TAFA5: variants seen among roughly 807,000 people sequenced by gnomAD.
TAFA5 encodes TAFA chemokine like family member 5.
Under a neutral mutation model 15.3 loss-of-function variants are expected in TAFA5, and 6 were observed. The observed-to-expected ratio is 0.39, with a 90% CI of 0.21 to 0.77. The LOEUF (loss-of-function observed/expected upper bound fraction) is 0.77. TAFA5 is among the 30% of genes least tolerant of loss of function. The pLI, the probability that TAFA5 is intolerant of heterozygous loss-of-function variation, is 0.41. For missense variants in TAFA5, 161 were observed against 193.1 expected (o/e 0.83, Z 0.98); for synonymous variants, 103 against 80.7 (o/e 1.28, Z -1.48).
intron 1 of TAFA5, among the ~76,000 whole-genome samples, chr22:48,582,114 G>T (rs1008038105): frequency 6.6e-6 from 1 of 151,978 alleles, no homozygotes; most frequent in Non-Finnish European, 1.5e-5. Flanking sequence ...CCCTTTCCTC[G>T]TTCTCCTTTT....
chr22:48,675,128 GAT>G (rs1277233884), intron 2 of TAFA5, among the ~76,000 whole-genome samples: 1 of 152,190 alleles, frequency 6.6e-6, no homozygotes, highest in African/African-American at 2.4e-5. Context: ...TTTTAGTAGA[GAT>G]GGGGTTTCAC....
At chr22:48,532,228 T>G (rs1290816788) in intron 1 of TAFA5, among the ~76,000 whole-genome samples, 1 of 152,210 alleles carries the variant, frequency 6.6e-6, no homozygotes, top group Admixed American at 6.5e-5. Flanking sequence ...AATGTGGCCC[T>G]CGCCTCCAGG....
chr22:48,670,962 C>T (rs985566596), intron 2 of TAFA5, among the ~76,000 whole-genome samples: 2 of 152,154 alleles, frequency 1.3e-5, no homozygotes, highest in African/African-American at 2.4e-5. Context: ...AGTCAAACTG[C>T]CATTGCTCAT....
At chr22:48,743,009 C>A (rs1930226150) in intron 3 of TAFA5, among the ~76,000 whole-genome samples, 1 of 152,188 alleles carries the variant, frequency 6.6e-6, no homozygotes, top group South Asian at 2.1e-4. Context: ...GTCAACATCC[C>A]CAGGACTCAC....
At chr22:48,681,661 A>AC in intron 2 of TAFA5, among the ~76,000 whole-genome samples, 1 of 151,442 alleles carries the variant, frequency 6.6e-6, no homozygotes, top group East Asian at 1.9e-4. Flanking sequence ...CAAAAAAAAA[A>AC]AAAAAGAAAA....
chr22:48,512,964 A>G (rs1028889311), intron 1 of TAFA5, among the ~76,000 whole-genome samples: 1 of 150,302 alleles, frequency 6.7e-6, no homozygotes, highest in East Asian at 2.0e-4. Context: ...AGAGAGACTA[A>G]CTGAAAAGAA....
At chr22:48,736,691 G>A (rs1424463720) in intron 3 of TAFA5, among the ~76,000 whole-genome samples, 1 of 152,342 alleles carries the variant, frequency 6.6e-6, no homozygotes, top group Non-Finnish European at 1.5e-5. Context: ...CCGGCAACAC[G>A]GATGAACCTC....
At chr22:48,600,642 C>T (rs1444933985) in intron 1 of TAFA5, among the ~76,000 whole-genome samples, 1 of 152,228 alleles carries the variant, frequency 6.6e-6, no homozygotes, top group Non-Finnish European at 1.5e-5. Context: ...GTTTGGGTTA[C>T]ATTCACCCAA....
rs538346338 is a variant in TAFA5, at chr22:48,517,982, A to T, written c.112+28278A>T. 2.0e-4 allele frequency among the ~76,000 whole-genome samples: 30 copies of T among 152,266 alleles called. 1 individual carries two copies. In the East Asian group the frequency reaches 5.8e-3, roughly 30 times the overall value. ...TCCTCCCTAATTAAGAAATAGCAGCAGGCTCCGGGGGCCCAGGCCCCACGT... is the reference window on the plus strand; with the variant it reads ...TCCTCCCTAATTAAGAAATAGCAGCTGGCTCCGGGGGCCCAGGCCCCACGT... On this transcript the variant is annotated intron_variant, in intron 1 of 3. Coordinates refer to ENST00000402357, the MANE Select transcript of TAFA5 (RefSeq NM_001082967.3).
chr22:48,497,261 C>A (rs1928361695), intron 1 of TAFA5, among the ~76,000 whole-genome samples: 1 of 152,214 alleles, frequency 6.6e-6, no homozygotes, highest in South Asian at 2.1e-4. Context: ...AGGGAGGACG[C>A]AGGGAGGAGA....
At chr22:48,653,529 T>A (rs1472835797) in intron 2 of TAFA5, among the ~76,000 whole-genome samples, 1 of 152,186 alleles carries the variant, frequency 6.6e-6, no homozygotes, top group Non-Finnish European at 1.5e-5. Flanking sequence ...GGCTGTGGCG[T>A]GAGGGTACAA....
At chr22:48,615,765 G>C (rs1190679086) in intron 1 of TAFA5, among the ~76,000 whole-genome samples, 1 of 152,162 alleles carries the variant, frequency 6.6e-6, no homozygotes, top group African/African-American at 2.4e-5. Flanking sequence ...TGGGGCTTCA[G>C]GGGAGGGCCA....
At chr22:48,553,271 C>T (rs1023823780) in intron 1 of TAFA5, among the ~76,000 whole-genome samples, 2 of 152,190 alleles carry the variant, frequency 1.3e-5, no homozygotes, top group Admixed American at 6.5e-5. Flanking sequence ...TGGAGGCCCC[C>T]ATGCCCTGGC....
chr22:48,586,286 G>A (rs62225930), intron 1 of TAFA5, among the ~76,000 whole-genome samples: 3 of 152,346 alleles, frequency 2.0e-5, no homozygotes, highest in African/African-American at 4.8e-5. Flanking sequence ...CATTGCACAC[G>A]CACCTCCTGC....
At chr22:48,495,121 T>C (rs1020570635) in intron 1 of TAFA5, among the ~76,000 whole-genome samples, 1 of 152,128 alleles carries the variant, frequency 6.6e-6, no homozygotes, top group Non-Finnish European at 1.5e-5. Context: ...TCCCTTGGCG[T>C]GTCACCTGCC....
intron 1 of TAFA5, chr22:48,544,971 G>A (rs1037532711): frequency 9.2e-6 from 4 of 436,000 alleles, no homozygotes; most frequent in Non-Finnish European, 1.9e-5. Flanking sequence ...CTTTTCAGTG[G>A]GCAGCAGCCG....
chr22:48,490,072 G>C lies in TAFA5; in HGVS notation c.112+368G>C, dbSNP rs566019973. Reference sequence around the variant, plus strand: ...GAGGCAGCCGCAGGTCGCGGAGGGCGGGCGGCGCTGCCGGGGTGTCTGCGG... The same window carrying C: ...GAGGCAGCCGCAGGTCGCGGAGGGCCGGCGGCGCTGCCGGGGTGTCTGCGG... On this transcript the variant is annotated intron_variant, in intron 1 of 3. Coordinates refer to ENST00000402357, the MANE Select transcript of TAFA5 (RefSeq NM_001082967.3). The surrounding 1 kb of genome is among the most constrained non-coding windows in gnomAD (Gnocchi z 5.8). Among the ~76,000 whole-genome samples the C allele has an allele frequency of 6.6e-6, 1 of 152,042 alleles. No individual in the cohort carries two copies. The highest frequency in any genetic ancestry group is 1.5e-5 in the Non-Finnish European group (1 of 67,972).
At chr22:48,497,486 TAGGCCTGGGGGCGGGGCTG>T (rs1342174882) in intron 1 of TAFA5, among the ~76,000 whole-genome samples, 85 of 147,672 alleles carry the variant, frequency 5.8e-4, no homozygotes, top group Middle Eastern at 7.0e-3. Flanking sequence ...AGTCTGGGTT[TAGGCCTGGGGGCGGGGCTG>T]AGGCCTGGGG....
rs1369269463 is a variant in TAFA5, at chr22:48,742,010, T to TG, written c.391-7824dup. Among the ~76,000 whole-genome samples the TG allele has an allele frequency of 6.6e-6, 1 of 152,208 alleles. No homozygotes were observed. The highest frequency in any genetic ancestry group is 1.5e-5 in the Non-Finnish European group (1 of 68,032). On this transcript the variant is annotated intron_variant, in intron 3 of 3. Transcript: ENST00000402357. This position sits in a 1 kb window ranked among gnomAD's most constrained non-coding sequence, Gnocchi z 6.2. ...AGTTTTTTGTTAAGAACCCCATGGT[T>TG]GGGGGTAAACACTGTTCCTATCCCG...
Sources: gnomAD v4.1 joint callset for allele counts (sites outside exome capture counted in the v4.1 genomes callset) on GRCh38, gnomAD v4.1.1 for gene constraint, Gnocchi (gnomAD v3.1) non-coding constraint, MANE v1.5 for transcripts, NCBI Gene and HGNC (gene_info 2026-07-23, HGNC 2026-07-21) for gene names.